CEACAM5: variants seen among roughly 807,000 people sequenced by gnomAD.
CEACAM5 encodes cell adhesion molecule CEACAM5.
A neutral mutation model predicts 63.0 loss-of-function variants in CEACAM5; 52 were observed. That is an observed-to-expected ratio of 0.83 (90% CI 0.66 to 1.04). CEACAM5 has a LOEUF of 1.04. Ranked by LOEUF, CEACAM5 falls within the 50% of genes least tolerant of loss-of-function variation. CEACAM5 has a pLI of 0.00. For missense variants in CEACAM5, 790 were observed against 864.8 expected, an observed-to-expected ratio of 0.91 and a Z score of 1.08; for synonymous variants, 357 against 351.3, an observed-to-expected ratio of 1.02 and a Z score of -0.18.
In CEACAM5 at chr19:41,716,436, G is replaced by A. The variant is rs782022723; in HGVS notation, c.958+532G>A. On this transcript the variant is annotated intron_variant, in intron 4 of 9. Coordinates refer to ENST00000221992, the MANE Select transcript of CEACAM5 (RefSeq NM_004363.6). The stretch of plus-strand genomic sequence containing the variant: ...CTGACTCCACCTAGGTGGGAACGAG[G>A]TGTGTGGAGAAGGAGCCCGGGTGGT... Among the ~76,000 whole-genome samples, 20 of 152,256 alleles carry A rather than the reference G, an allele frequency of 1.3e-4. 1 individual carries two copies. Among genetic ancestry groups the A allele is most frequent in the Admixed American group, 2.0e-4 (3 of 15,290 alleles).
Position 41,729,797 on chromosome 19 carries a change from A to C in CEACAM5, c.*650A>C, listed in dbSNP as rs1235735946. On this transcript the variant is annotated 3_prime_UTR_variant, in exon 10 of 10. Coordinates refer to ENST00000221992, the MANE Select transcript of CEACAM5 (RefSeq NM_004363.6). ...GATAAAATATACTTTTGTGAACAAA[A>C]ATTGAGACATTTACATTTTCTCCCT... 4.6e-5 allele frequency: 7 copies of C among 152,338 alleles called. No individual in the cohort carries two copies. Among genetic ancestry groups the C allele is most frequent in the Admixed American group, 4.6e-4 (7 of 15,294 alleles). 9.4% of individuals were successfully genotyped at this position (152,338 alleles called of 1,614,324 possible).
rs2072503081 is a variant in CEACAM5 at position 41,715,246 on chromosome 19, C to T, written c.700C>T (p.Leu234Phe). ...RRSDSVILNV[L>F]YGPDAPTISP... ...CAGTGATTCAGTCATCCTGAATGTCCTCTGTGAGTATATCTGCTCCTCTCT... is the reference window on the plus strand; with the variant it reads ...CAGTGATTCAGTCATCCTGAATGTCTTCTGTGAGTATATCTGCTCCTCTCT... The change falls in exon 3 of 10, where the codon CTC (leucine) becomes TTC (phenylalanine). Residue 234 changes from leucine to phenylalanine, a missense_variant. Leu to Phe is a conservative substitution (Grantham distance 22). Coordinates refer to ENST00000221992, the MANE Select transcript of CEACAM5 (RefSeq NM_004363.6). 5.0e-6 allele frequency: 8 copies of T among 1,614,112 alleles called. No individual in the cohort carries two copies. Among genetic ancestry groups the T allele is most frequent in the Non-Finnish European group, 5.9e-6 (7 of 1,180,046 alleles).
Position 41,708,752 on chromosome 19 carries a change from T to C in CEACAM5, c.21T>C (p.Pro7=). 1 of 1,611,856 alleles carries C rather than the reference T, an allele frequency of 6.2e-7. No homozygotes were observed. Among genetic ancestry groups the C allele is most frequent in the East Asian group, 2.2e-5 (1 of 44,786 alleles). The change falls in exon 1 of 10, where the codon CCT becomes CCC. Residue 7 remains proline (P), a synonymous_variant. Transcript: ENST00000221992. MESPSA[P]PHRWCIPWQR... ...AGACCATGGAGTCTCCCTCGGCCCC[T>C]CCCCACAGATGGTGCATCCCCTGGC...
intron 3 of CEACAM5, 143 bp from the exon 4 acceptor site, chr19:41,715,507 C>T: frequency 1.6e-6 from 2 of 1,229,218 alleles, no homozygotes; most frequent in Non-Finnish European, 2.4e-6. Context: ...ATCTCAGACT[C>T]AGGCTCAGTA....
intron 1 of CEACAM5, 103 bp from the exon 2 acceptor site, chr19:41,709,577 C>G: frequency 6.6e-7 from 1 of 1,517,816 alleles, no homozygotes; most frequent in Non-Finnish European, 8.8e-7. Context: ...CTCACTCACT[C>G]CAGGGCTGGG....
At position 41,718,306 on chromosome 19, in the gene CEACAM5, C is replaced by T. The variant is rs782472055; in HGVS notation, c.1416C>T (p.Ser472=). 25 of 1,614,032 alleles carry T rather than the reference C, an allele frequency of 1.5e-5. No individual in the cohort carries two copies. The highest frequency in any genetic ancestry group is 1.3e-4 in the Admixed American group (8 of 59,994). Residue 472 remains serine (S), a synonymous_variant, in exon 6 of 10, where the codon AGC becomes AGT. Coordinates refer to ENST00000221992, the MANE Select transcript of CEACAM5 (RefSeq NM_004363.6). The stretch of plus-strand genomic sequence containing the variant: ...TCTCCAACATCACTGAGAAGAACAG[C>T]GGACTCTATACCTGCCAGGCCAATA... ...LFISNITEKN[S]GLYTCQANNS...
intron 6 of CEACAM5, among the ~76,000 whole-genome samples, chr19:41,719,494 G>A (rs1164624461): frequency 2.0e-5 from 3 of 152,016 alleles, no homozygotes; most frequent in East Asian, 1.9e-4. Context: ...ACCCATCCCC[G>A]TCATCACCCA....
At chr19:41,730,483 C>T (rs1555818126), downstream of CEACAM5, among the ~76,000 whole-genome samples, 1 of 151,106 alleles carries the variant, frequency 6.6e-6, no homozygotes, top group Non-Finnish European at 1.5e-5. Flanking sequence ...AAGAATGAGG[C>T]CAAGTCTGAT....
intron 6 of CEACAM5, 146 bp downstream of exon 6, chr19:41,718,528 TG>T: frequency 1.3e-6 from 1 of 799,334 alleles, no homozygotes; most frequent in East Asian, 2.5e-5. Context: ...ACTCCCAATT[TG>T]TCTCTACAAA....
Position 41,717,516 on chromosome 19 carries a change from T to G in CEACAM5, c.1020T>G (p.Ala340=), listed in dbSNP as rs2072545824. The G allele has an allele frequency of 1.9e-6, 3 of 1,614,220 alleles. No individual in the cohort carries two copies. The East Asian group carries it at 6.7e-5, about 36-fold the overall frequency. ...CCAACCCCGTGGAGGATGAGGATGCTGTAGCCTTAACCTGTGAACCTGAGA... is the reference window on the plus strand; with the variant it reads ...CCAACCCCGTGGAGGATGAGGATGCGGTAGCCTTAACCTGTGAACCTGAGA... ...NNSNPVEDED[A]VALTCEPEIQ... is the part of the protein sequence containing the mutation. The change falls in exon 5 of 10, where the codon GCT becomes GCG. Residue 340 remains alanine (A), a synonymous_variant. Coordinates refer to ENST00000221992, the MANE Select transcript of CEACAM5 (RefSeq NM_004363.6).
At position 41,709,999 on chromosome 19, in the gene CEACAM5, T is replaced by C. The variant is rs146721225; in HGVS notation, c.384T>C (p.Asp128=). Residue 128 remains aspartate, a synonymous_variant, in exon 2 of 10, where the codon GAT becomes GAC. Coordinates refer to ENST00000221992, the MANE Select transcript of CEACAM5 (RefSeq NM_004363.6). ...ACACCCTACACGTCATAAAGTCAGATCTTGTGAATGAAGAAGCAACTGGCC... is the reference window on the plus strand; with the variant it reads ...ACACCCTACACGTCATAAAGTCAGACCTTGTGAATGAAGAAGCAACTGGCC... ...GFYTLHVIKS[D]LVNEEATGQF... is the part of the protein sequence containing the mutation. 5.8e-4 allele frequency: 935 copies of C among 1,610,888 alleles called. No individual in the cohort carries two copies. Among genetic ancestry groups the C allele is most frequent in the Non-Finnish European group, 7.1e-4 (841 of 1,178,038 alleles).
At chr19:41,722,521 T>C (rs10406899) in intron 8 of CEACAM5, among the ~76,000 whole-genome samples, 46,510 of 152,054 alleles carry the variant, frequency 0.31, 7,264 homozygotes, top group South Asian at 0.38. Flanking sequence ...ACTCTGGTAA[T>C]CTCCATTCTA....
Position 41,720,948 on chromosome 19 carries a change from C to T in CEACAM5, c.1798C>T (p.Pro600Ser). ...LYGPDTPIIS[P>S]PDSSYLSGAN... ...TGGGCCGGACACCCCCATCATTTCC[C>T]CCCCAGACTCGTCTTACCTTTCGGG... The change falls in exon 8 of 10, where the codon CCC becomes TCC. Residue 600 changes from proline to serine, a missense_variant. By Grantham distance (74) the Pro-to-Ser change is moderately conservative. Coordinates refer to ENST00000221992, the MANE Select transcript of CEACAM5 (RefSeq NM_004363.6). 1 of 1,614,092 alleles carries T rather than the reference C, an allele frequency of 6.2e-7. No individual in the cohort carries two copies. Among genetic ancestry groups the T allele is most frequent in the Non-Finnish European group, 8.5e-7 (1 of 1,180,008 alleles).
At chr19:41,712,838 A>G (rs1277028846) in intron 2 of CEACAM5, among the ~76,000 whole-genome samples, 10 of 152,208 alleles carry the variant, frequency 6.6e-5, no homozygotes, top group Non-Finnish European at 1.2e-4. Flanking sequence ...GTTTCCCCCA[A>G]ATGTCTTTCA....
chr19:41,709,884 C>T lies in CEACAM5; in HGVS notation c.269C>T (p.Thr90Ile). The change falls in exon 2 of 10, where the codon ACC (threonine) becomes ATC (isoleucine). Residue 90 changes from threonine (T) to isoleucine (I), a missense_variant. Coordinates refer to ENST00000221992, the MANE Select transcript of CEACAM5 (RefSeq NM_004363.6). ...TATGTAATAGGAACTCAACAAGCTA[C>T]CCCAGGGCCCGCATACAGTGGTCGA... ...IGYVIGTQQA[T>I]PGPAYSGREI... The T allele has an allele frequency of 1.9e-6, 3 of 1,614,114 alleles. No individual in the cohort carries two copies. Among genetic ancestry groups the T allele is most frequent in the Admixed American group, 1.7e-5 (1 of 60,024 alleles).
Position 41,717,585 on chromosome 19 carries a change from C to T in CEACAM5, c.1089C>T (p.Leu363=). 1.9e-6 allele frequency: 3 copies of T among 1,614,204 alleles called. No individual in the cohort carries two copies. The highest frequency in any genetic ancestry group is 1.3e-5 in the African/African-American group (1 of 75,040). ...TYLWWVNNQS[L]PVSPRLQLSN... ...TGTGGTGGGTAAATAATCAGAGCCT[C>T]CCGGTCAGTCCCAGGCTGCAGCTGT... The change falls in exon 5 of 10, where the codon CTC becomes CTT. Residue 363 remains leucine (L), a synonymous_variant. Coordinates refer to ENST00000221992, the MANE Select transcript of CEACAM5 (RefSeq NM_004363.6).
chr19:41,721,612 C>T (rs1377907143), intron 8 of CEACAM5, among the ~76,000 whole-genome samples: 1 of 152,254 alleles, frequency 6.6e-6, no homozygotes, highest in Non-Finnish European at 1.5e-5. Flanking sequence ...GAGGAGGAAG[C>T]CCCTTGGATG....
intron 2 of CEACAM5, among the ~76,000 whole-genome samples, chr19:41,712,441 C>T (rs2072451039): frequency 6.6e-6 from 1 of 152,226 alleles, no homozygotes; most frequent in African/African-American, 2.4e-5. Flanking sequence ...GGAAGAAAAC[C>T]TTTCACATGC....
chr19:41,720,252 ATCCACACAGCCAGAG>A, intron 7 of CEACAM5, 44 bp downstream of exon 7: 1 of 1,594,372 alleles, frequency 6.3e-7, no homozygotes, highest in Non-Finnish European at 8.6e-7. Flanking sequence ...TCCAACCCAA[ATCCACACAGCCAGAG>A]GCCAGGACTC....
Sources: gnomAD v4.1 joint callset for allele counts (sites outside exome capture counted in the v4.1 genomes callset) on GRCh38, gnomAD v4.1.1 for gene constraint, MANE v1.5 for transcripts, NCBI Gene and HGNC (gene_info 2026-07-23, HGNC 2026-07-21) for gene names.